Variants in CAMTA1 observed in about 807,000 individuals in gnomAD.
CAMTA1 encodes the protein calmodulin-binding transcription activator 1.
In CAMTA1, 27 loss-of-function variants were observed where a neutral mutation model predicts 170.9. That is an observed-to-expected ratio of 0.16 (90% confidence interval 0.12 to 0.22). CAMTA1 has a LOEUF of 0.22. CAMTA1 is among the 10% of genes least tolerant of loss of function. The pLI, the probability that CAMTA1 is intolerant of heterozygous loss-of-function variation, is 1.00. For missense variants in CAMTA1, 1,619 were observed against 2,217.2 expected, an observed-to-expected ratio of 0.73 and a Z score of 5.42; for synonymous variants, 833 against 891.5, an observed-to-expected ratio of 0.93 and a Z score of 1.17.
rs1034296058 is a variant in CAMTA1, at chr1:6,806,874, A to G, written c.46-13307A>G. ...TTATTATTACTGGAGGAATCAGAAG[A>G]TATTTTAGGACCTTGTAGTCCCGCA... is the stretch of plus-strand genomic sequence containing the variant. On this transcript the variant is annotated intron_variant, in intron 1 of 22. Transcript: ENST00000303635. The G allele has an allele frequency of 1.0e-4, 41 of 406,476 alleles. No homozygotes were observed. In the Admixed American group the frequency reaches 1.1e-3, roughly 11 times the overall value. The allele number at this position is 406,476 out of a possible 1,614,324, so 25.2% of individuals were successfully genotyped here.
intron 4 of CAMTA1, among the ~76,000 whole-genome samples, chr1:7,165,412 T>C (rs1648176728): frequency 6.6e-6 from 1 of 152,112 alleles, no homozygotes; most frequent in Admixed American, 6.6e-5. Flanking sequence ...AGTGATAGTG[T>C]TTTTCACCCT....
chr1:6,981,887 C>G (rs1048004934), intron 3 of CAMTA1, among the ~76,000 whole-genome samples: 1 of 151,820 alleles, frequency 6.6e-6, no homozygotes, highest in Non-Finnish European at 1.5e-5. Flanking sequence ...CACCACCATG[C>G]CCCACTAATT....
chr1:6,935,550 G>C (rs1266644232), intron 3 of CAMTA1, among the ~76,000 whole-genome samples: 1 of 152,216 alleles, frequency 6.6e-6, no homozygotes, highest in East Asian at 1.9e-4. Flanking sequence ...TTGACTTGAG[G>C]GAGGAAGGAA....
intron 3 of CAMTA1, among the ~76,000 whole-genome samples, chr1:6,923,516 G>C (rs1001327274): frequency 6.6e-5 from 10 of 152,204 alleles, no homozygotes; most frequent in African/African-American, 2.4e-4. Context: ...CCAGCCCCTG[G>C]CTCAGTGCCG....
intron 3 of CAMTA1, among the ~76,000 whole-genome samples, chr1:6,892,674 A>C (rs1418727980): frequency 6.6e-6 from 1 of 150,976 alleles, no homozygotes; most frequent in African/African-American, 2.4e-5. Flanking sequence ...TGTGGTATAA[A>C]AATCAAATTT....
intron 5 of CAMTA1, among the ~76,000 whole-genome samples, chr1:7,376,788 T>A (rs2086874693): frequency 6.6e-6 from 1 of 152,172 alleles, no homozygotes. Flanking sequence ...GCCCTGGAGA[T>A]GGAAGCCAAT....
At chr1:7,071,293 A>C (rs1295544863) in intron 3 of CAMTA1, among the ~76,000 whole-genome samples, 2 of 152,226 alleles carry the variant, frequency 1.3e-5, no homozygotes, top group Admixed American at 1.3e-4. Context: ...AGCAAACAAT[A>C]GACTCACTTG....
At chr1:7,303,386 C>T (rs1222414116) in intron 5 of CAMTA1, among the ~76,000 whole-genome samples, 2 of 152,052 alleles carry the variant, frequency 1.3e-5, no homozygotes. Context: ...TAAAAAGTCC[C>T]CCCTAAATCC....
At chr1:7,100,090 T>G (rs1262444529) in intron 4 of CAMTA1, among the ~76,000 whole-genome samples, 7 of 152,168 alleles carry the variant, frequency 4.6e-5, no homozygotes, top group Non-Finnish European at 1.0e-4. Context: ...CTGCCTTCCG[T>G]GGCACCTACT....
At chr1:7,052,765 C>T (rs960170112) in intron 3 of CAMTA1, among the ~76,000 whole-genome samples, 12 of 152,200 alleles carry the variant, frequency 7.9e-5, no homozygotes, top group African/African-American at 2.9e-4. Context: ...TTCCCAGCAC[C>T]AGCATCAAGT....
chr1:7,323,627 A>G (rs960245140), intron 5 of CAMTA1, among the ~76,000 whole-genome samples: 1 of 148,544 alleles, frequency 6.7e-6, no homozygotes, highest in Non-Finnish European at 1.5e-5. Context: ...GGTTCAAACA[A>G]TTCTCCTGCC....
chr1:7,414,659 A>G (rs1391082484), intron 5 of CAMTA1, among the ~76,000 whole-genome samples: 1 of 150,540 alleles, frequency 6.6e-6, no homozygotes, highest in Non-Finnish European at 1.5e-5. Context: ...TTTCTTCTTT[A>G]TTATTCTTGC....
chr1:7,317,930 C>A (rs1437557326), intron 5 of CAMTA1, among the ~76,000 whole-genome samples: 1 of 152,096 alleles, frequency 6.6e-6, no homozygotes, highest in Non-Finnish European at 1.5e-5. Flanking sequence ...CTTTTTAAGC[C>A]AAGGGGAGAT....
intron 3 of CAMTA1, among the ~76,000 whole-genome samples, chr1:6,981,059 T>G (rs1162570564): frequency 2.6e-5 from 4 of 152,130 alleles, no homozygotes; most frequent in Non-Finnish European, 5.9e-5. Flanking sequence ...GCTGGCACAG[T>G]CTCGGTGGCT....
chr1:6,883,301 G>A (rs1672142331), intron 3 of CAMTA1, among the ~76,000 whole-genome samples: 1 of 152,126 alleles, frequency 6.6e-6, no homozygotes, highest in Admixed American at 6.5e-5. Flanking sequence ...GGCGATCGTT[G>A]GTGACTTTGA....
chr1:6,838,039 G>C (rs1429703092), intron 3 of CAMTA1, among the ~76,000 whole-genome samples: 1 of 152,142 alleles, frequency 6.6e-6, no homozygotes, highest in Non-Finnish European at 1.5e-5. Context: ...TGGCATACAT[G>C]TATGTATGGC....
intron 5 of CAMTA1, among the ~76,000 whole-genome samples, chr1:7,448,357 C>G (rs868561817): frequency 6.6e-6 from 1 of 152,200 alleles, no homozygotes; most frequent in African/African-American, 2.4e-5. Flanking sequence ...GGAATGTGTG[C>G]GAACCTCCAT....
chr1:7,154,722 G>A (rs1261872576), intron 4 of CAMTA1, among the ~76,000 whole-genome samples: 2 of 152,230 alleles, frequency 1.3e-5, no homozygotes, highest in African/African-American at 4.8e-5. Flanking sequence ...ACACCAGCCC[G>A]GAGGCTGGAA....
intron 5 of CAMTA1, among the ~76,000 whole-genome samples, chr1:7,259,162 G>A (rs758060239): frequency 4.6e-5 from 7 of 152,148 alleles, no homozygotes; most frequent in Non-Finnish European, 8.8e-5. Flanking sequence ...GAGCTTCCCT[G>A]TGGATGCCCT....
Sources: allele counts gnomAD v4.1 joint callset (sites outside exome capture counted in the v4.1 genomes callset), GRCh38; gene constraint gnomAD v4.1.1; transcripts MANE v1.5; gene names NCBI Gene and HGNC (gene_info 2026-07-23, HGNC 2026-07-21).